The following CFAP299 variants were observed in gnomAD, a reference collection of about 807,000 sequenced individuals.
CFAP299 encodes cilia- and flagella-associated protein 299.
In CFAP299, 21 loss-of-function variants were observed where a neutral mutation model predicts 27.0. The ratio of observed to expected loss-of-function variants is 0.78; its 90% CI spans 0.55 to 1.12. CFAP299 has a LOEUF of 1.12. CFAP299 is among the 50% of genes most tolerant of loss of function. The pLI, the probability that CFAP299 is intolerant of heterozygous loss-of-function variation, is 0.00. For synonymous variants in CFAP299, 104 were observed against 98.1 expected (o/e 1.06, Z -0.36); for missense variants, 310 against 276.6 (o/e 1.12, Z -0.86).
At chr4:80,885,357 CT>C (rs1431577436) in intron 4 of CFAP299, among the ~76,000 whole-genome samples, 2 of 152,196 alleles carry the variant, frequency 1.3e-5, no homozygotes, top group Non-Finnish European at 2.9e-5. Context: ...CAGTGAACTA[CT>C]GCGGAATGTG....
At chr4:80,844,782 G>T (rs1449241286) in intron 3 of CFAP299, among the ~76,000 whole-genome samples, 8 of 152,060 alleles carry the variant, frequency 5.3e-5, no homozygotes, top group South Asian at 2.1e-4. Context: ...GTCAATTTTG[G>T]CTTTTGTTGC....
In CFAP299 at chr4:80,531,754, T is replaced by G. The variant is rs1288604187; in HGVS notation, c.243-51339T>G. On this transcript the variant is annotated intron_variant, in intron 2 of 5. Coordinates refer to ENST00000358105, the MANE Select transcript of CFAP299 (RefSeq NM_152770.3). ...CTGACTGATAAGATAGAAGTTTTTTTTTTTTTTTTTTTTTTTGAGATGGAG... is the reference window on the plus strand; with the variant it reads ...CTGACTGATAAGATAGAAGTTTTTTGTTTTTTTTTTTTTTTTGAGATGGAG... 4.7e-5 allele frequency among the ~76,000 whole-genome samples: 6 copies of G among 126,618 alleles called. 1 individual carries two copies. Among genetic ancestry groups the G allele is most frequent in the Admixed American group, 1.5e-4 (2 of 13,270 alleles). 83.1% of individuals were successfully genotyped at this position (126,618 alleles called of 152,430 possible). A position where few individuals can be genotyped will look rare whatever the true frequency, so the allele number is the denominator to read the frequency against.
chr4:80,345,133 T>C (rs1329301138), intron 1 of CFAP299, among the ~76,000 whole-genome samples: 1 of 152,210 alleles, frequency 6.6e-6, no homozygotes, highest in Non-Finnish European at 1.5e-5. Flanking sequence ...TTGAAAGTTC[T>C]GACCAGGGCA....
chr4:80,482,480 A>G (rs1431222235), intron 2 of CFAP299, among the ~76,000 whole-genome samples: 1 of 152,190 alleles, frequency 6.6e-6, no homozygotes, highest in Non-Finnish European at 1.5e-5. Flanking sequence ...CATGCAGGCT[A>G]TAATAACTTA....
chr4:80,837,232 T>C (rs1730612343), intron 3 of CFAP299, among the ~76,000 whole-genome samples: 1 of 152,152 alleles, frequency 6.6e-6, no homozygotes, highest in Non-Finnish European at 1.5e-5. Flanking sequence ...CTTCTTATAG[T>C]TCATTAAATT....
chr4:80,712,737 C>T (rs1439242342), intron 3 of CFAP299, among the ~76,000 whole-genome samples: 1 of 152,032 alleles, frequency 6.6e-6, no homozygotes, highest in African/African-American at 2.4e-5. Flanking sequence ...TGGATTAATT[C>T]AACTAATCAG....
chr4:80,592,673 C>T (rs879428041), intron 3 of CFAP299, among the ~76,000 whole-genome samples: 2 of 152,106 alleles, frequency 1.3e-5, no homozygotes, highest in Admixed American at 1.3e-4. Flanking sequence ...ACCACGATTA[C>T]TCTTTAAAAT....
At chr4:80,649,177 CAGG>C (rs1490124875) in intron 3 of CFAP299, 10 of 152,108 alleles carry the variant, frequency 6.6e-5, no homozygotes, top group Middle Eastern at 3.2e-3. Context: ...AACTATGGGT[CAGG>C]AGGAGAAGGG....
chr4:80,854,995 C>A (rs1289300969), intron 3 of CFAP299, among the ~76,000 whole-genome samples: 1 of 151,830 alleles, frequency 6.6e-6, no homozygotes, highest in Non-Finnish European at 1.5e-5. Context: ...ATAAAGAAGA[C>A]AAGCATACTA....
chr4:80,384,595 GA>G (rs1242592135), intron 2 of CFAP299, among the ~76,000 whole-genome samples: 5 of 152,100 alleles, frequency 3.3e-5, no homozygotes, highest in Non-Finnish European at 7.4e-5. Flanking sequence ...GAGATAAGAG[GA>G]AAAACACCTA....
At chr4:80,553,490 T>C (rs35541945) in intron 2 of CFAP299, among the ~76,000 whole-genome samples, 11,845 of 152,252 alleles carry the variant, frequency 0.078, 529 homozygotes, top group Non-Finnish European at 0.093. Flanking sequence ...GTCTCTATGG[T>C]AGAATGATTT....
chr4:80,710,663 C>T (rs1031132074), intron 3 of CFAP299, among the ~76,000 whole-genome samples: 9 of 151,376 alleles, frequency 5.9e-5, no homozygotes, highest in African/African-American at 2.2e-4. Flanking sequence ...ATTCTACCAG[C>T]GTTCCAACTA....
At chr4:80,377,904 T>A (rs935938293) in intron 2 of CFAP299, among the ~76,000 whole-genome samples, 8 of 152,172 alleles carry the variant, frequency 5.3e-5, no homozygotes, top group Non-Finnish European at 1.0e-4. Context: ...GAAACGCACT[T>A]CTCACATGGC....
intron 4 of CFAP299, among the ~76,000 whole-genome samples, chr4:80,924,099 C>T (rs1736179614): frequency 6.6e-6 from 1 of 151,816 alleles, no homozygotes; most frequent in Admixed American, 6.6e-5. Context: ...TATCATTTTG[C>T]TCTCTACTTT....
intron 3 of CFAP299, among the ~76,000 whole-genome samples, chr4:80,687,824 G>T (rs1358462794): frequency 6.6e-6 from 1 of 152,142 alleles, no homozygotes; most frequent in Non-Finnish European, 1.5e-5. Context: ...CAGGTCAGTG[G>T]GTGCGCGCAC....
At position 80,523,480 on chromosome 4, in the gene CFAP299, G is replaced by T. The variant is rs964839565; in HGVS notation, c.243-59613G>T. 3.0e-4 allele frequency among the ~76,000 whole-genome samples: 45 copies of T among 152,056 alleles called. 1 individual carries two copies. The highest frequency in any genetic ancestry group is 6.5e-4 in the Non-Finnish European group (44 of 68,008). Reference sequence around the variant, plus strand: ...TATATCAACTTGATTGGGCTAAGGGGTGCCTAGGTAACTGGGTGTGTCTGT... The same window carrying T: ...TATATCAACTTGATTGGGCTAAGGGTTGCCTAGGTAACTGGGTGTGTCTGT... On this transcript the variant is annotated intron_variant, in intron 2 of 5. Transcript: ENST00000358105.
At chr4:80,935,163 A>G (rs1482363923) in intron 4 of CFAP299, among the ~76,000 whole-genome samples, 1 of 152,196 alleles carries the variant, frequency 6.6e-6, no homozygotes, top group East Asian at 1.9e-4. Flanking sequence ...TGATTTCCAC[A>G]AAGTTTTGAA....
intron 4 of CFAP299, among the ~76,000 whole-genome samples, chr4:80,900,115 T>A (rs1734810673): frequency 8.6e-6 from 1 of 115,862 alleles, no homozygotes; most frequent in Admixed American, 1.0e-4. Context: ...GACATAAAAG[T>A]GGAAGAAAGT....
chr4:80,864,485 T>C (rs373173861), intron 3 of CFAP299, among the ~76,000 whole-genome samples: 19,892 of 146,192 alleles, frequency 0.14, 1,632 homozygotes, highest in Middle Eastern at 0.27. Context: ...TGTATACATA[T>C]ATACACATAT....
Sources: gnomAD v4.1 joint callset for allele counts (sites outside exome capture counted in the v4.1 genomes callset) on GRCh38, gnomAD v4.1.1 for gene constraint, MANE v1.5 for transcripts, NCBI Gene and HGNC (gene_info 2026-07-23, HGNC 2026-07-21) for gene names.